Variants in DNAH14 observed in about 807,000 individuals in gnomAD.
DNAH14 encodes dynein axonemal heavy chain 14, also known as axonemal beta dynein heavy chain 14.
DNAH14 carries 478 observed loss-of-function variants against 520.9 expected under a neutral mutation model. The observed-to-expected ratio is 0.92, with a 90% confidence interval of 0.85 to 0.99. DNAH14 has a LOEUF of 0.99. Among genes scored for constraint, DNAH14 ranks in the 50% least tolerant of loss-of-function variants. The pLI is 0.00. For missense variants in DNAH14, 4,831 were observed against 5,234.5 expected (o/e 0.92, Z 2.38); for synonymous variants, 1,581 against 1,757.2 (o/e 0.90, Z 2.51).
chr1:225,111,081 GTGCATCC>G (rs1197932517), intron 23 of DNAH14, among the ~76,000 whole-genome samples: 1 of 152,044 alleles, frequency 6.6e-6, no homozygotes, highest in Non-Finnish European at 1.5e-5. Context: ...TGAGTAGAAT[GTGCATCC>G]TGCAACCATT....
intron 17 of DNAH14, among the ~76,000 whole-genome samples, chr1:225,071,966 ACCG>A (rs1457423530): frequency 6.6e-6 from 1 of 152,088 alleles, no homozygotes; most frequent in Non-Finnish European, 1.5e-5. Flanking sequence ...AAACCATATC[ACCG>A]CCTTTAACAT....
chr1:225,103,321 C>T (rs369427142), intron 23 of DNAH14, among the ~76,000 whole-genome samples: 3 of 152,092 alleles, frequency 2.0e-5, no homozygotes, highest in Non-Finnish European at 2.9e-5. Flanking sequence ...AGTCAGGTAG[C>T]GTGATGCCTC....
intron 17 of DNAH14, among the ~76,000 whole-genome samples, chr1:225,055,999 T>A (rs2069040237): frequency 6.6e-6 from 1 of 151,948 alleles, no homozygotes; most frequent in African/African-American, 2.4e-5. Flanking sequence ...TAAATATACA[T>A]GTGCATGTGT....
At chr1:225,214,930 T>C (rs551554968) in intron 41 of DNAH14, among the ~76,000 whole-genome samples, 19 of 152,354 alleles carry the variant, frequency 1.2e-4, no homozygotes, top group African/African-American at 3.8e-4. Context: ...TGATCTTAGT[T>C]ATTTCTTGCC....
intron 29 of DNAH14, among the ~76,000 whole-genome samples, chr1:225,144,852 G>A (rs566101114): frequency 3.0e-4 from 45 of 151,848 alleles, no homozygotes; most frequent in African/African-American, 1.0e-3. Context: ...TATTTAGTTG[G>A]AATACTACTT....
chr1:225,373,603 A>T lies in DNAH14; in HGVS notation c.12319-1085A>T, dbSNP rs75587382. ...GAGAGAGAAGAAAAGAAGTCAACCT[A>T]TGTGCAAATAGAATGTCTGTGTAAG... On this transcript the variant is annotated intron_variant, in intron 77 of 85. Transcript: ENST00000682510. 1.6e-3 allele frequency among the ~76,000 whole-genome samples: 242 copies of T among 152,260 alleles called. 2 individuals carry two copies. Among genetic ancestry groups the T allele is most frequent in the African/African-American group, 5.7e-3 (236 of 41,548 alleles).
At chr1:225,316,187 T>C (rs2094464666) in intron 60 of DNAH14, among the ~76,000 whole-genome samples, 1 of 152,174 alleles carries the variant, frequency 6.6e-6, no homozygotes, top group Admixed American at 6.6e-5. Flanking sequence ...TCAGTAATGG[T>C]GGATGCCCCT....
chr1:225,305,968 G>A (rs773031207), intron 58 of DNAH14, among the ~76,000 whole-genome samples: 5 of 152,304 alleles, frequency 3.3e-5, no homozygotes, highest in Admixed American at 6.5e-5. Context: ...GCCAAGCTCC[G>A]TGTCTGGAGC....
intron 42 of DNAH14, among the ~76,000 whole-genome samples, chr1:225,239,585 C>G (rs769328075): frequency 2.0e-5 from 3 of 152,188 alleles, no homozygotes; most frequent in Non-Finnish European, 4.4e-5. Flanking sequence ...TTTCATTCCT[C>G]TTTGTGAGTG....
intron 81 of DNAH14, among the ~76,000 whole-genome samples, chr1:225,385,783 T>G (rs2095834743): frequency 6.6e-6 from 1 of 152,148 alleles, no homozygotes; most frequent in Non-Finnish European, 1.5e-5. Flanking sequence ...AGAATCAATA[T>G]TGTGAAAATG....
At chr1:225,360,386 T>C (rs1009671412) in intron 74 of DNAH14, among the ~76,000 whole-genome samples, 3 of 152,132 alleles carry the variant, frequency 2.0e-5, no homozygotes, top group Non-Finnish European at 4.4e-5. Context: ...TAGCTGAGTA[T>C]ACAGCCATCT....
At chr1:225,271,815 G>A (rs2149835944) in intron 50 of DNAH14, 91 bp from the exon 51 acceptor site, 1 of 962,648 alleles carries the variant, frequency 1.0e-6, no homozygotes, top group Non-Finnish European at 1.5e-6. Context: ...CTCCATTATA[G>A]TACACAAGTC....
In DNAH14 at chr1:225,311,355, T is replaced by C. The variant is rs530365647; in HGVS notation, c.9240+2945T>C. On this transcript the variant is annotated intron_variant, in intron 60 of 85. Coordinates refer to ENST00000682510, the MANE Select transcript of DNAH14 (RefSeq NM_001367479.1). ...TTCCAGATTCTGGATATTAGCTCTTTGTCAAACAGATAGATTGCAAAAATT... is the reference window on the plus strand; with the variant it reads ...TTCCAGATTCTGGATATTAGCTCTTCGTCAAACAGATAGATTGCAAAAATT... Among the ~76,000 whole-genome samples, 4 of 152,318 alleles carry C rather than the reference T, an allele frequency of 2.6e-5. No homozygotes were observed. The East Asian group carries it at 7.7e-4, about 29-fold the overall frequency.
At chr1:224,961,905 A>G (rs1054885101) in intron 4 of DNAH14, among the ~76,000 whole-genome samples, 2 of 152,160 alleles carry the variant, frequency 1.3e-5, no homozygotes, top group African/African-American at 4.8e-5. Flanking sequence ...TGCCAGATAA[A>G]TAAAATTCTA....
At chr1:225,096,948 C>T (rs2075034958) in intron 21 of DNAH14, among the ~76,000 whole-genome samples, 170 bp from the exon 22 acceptor site, 1 of 152,116 alleles carries the variant, frequency 6.6e-6, no homozygotes, top group Admixed American at 6.5e-5. Context: ...TCTTAAACCT[C>T]TCCTAAAACT....
Position 225,050,269 on chromosome 1 carries a change from A to G in DNAH14, c.1972A>G (p.Ile658Val), listed in dbSNP as rs1014054290. 40 of 1,550,366 alleles carry G rather than the reference A, an allele frequency of 2.6e-5. No individual in the cohort carries two copies. The highest frequency in any genetic ancestry group is 4.9e-5 in the East Asian group (2 of 40,878). Residue 658 changes from isoleucine to valine, a missense_variant, in exon 16 of 86, where the codon ATA (isoleucine) becomes GTA (valine). Physicochemically the swap from Ile to Val is conservative, Grantham distance 29 (BLOSUM62 3). Transcript: ENST00000682510. The stretch of plus-strand genomic sequence containing the variant: ...GTCTATCTTCATTGATTTGGTTTCA[A>G]TAATGGATTTACCTAATAAGACAGG... ...QLSIFIDLVS[I>V]MDLPNKTGSI...
chr1:225,152,241 C>G (rs547892430), intron 32 of DNAH14, among the ~76,000 whole-genome samples, 168 bp downstream of exon 32: 17 of 152,258 alleles, frequency 1.1e-4, no homozygotes, highest in Non-Finnish European at 2.1e-4. Context: ...CACTCTGCAC[C>G]TGTTCATATG....
chr1:225,295,612 C>G (rs2093989760), intron 55 of DNAH14, among the ~76,000 whole-genome samples: 1 of 152,086 alleles, frequency 6.6e-6, no homozygotes, highest in South Asian at 2.1e-4. Context: ...AGATAAGATA[C>G]TTGATATGAT....
At chr1:225,326,402 A>C (rs1036968748) in intron 64 of DNAH14, among the ~76,000 whole-genome samples, 1 of 152,192 alleles carries the variant, frequency 6.6e-6, no homozygotes, top group Non-Finnish European at 1.5e-5. Context: ...CAGAATGGAC[A>C]TTTGTCGTGC....
Sources: allele counts gnomAD v4.1 joint callset (sites outside exome capture counted in the v4.1 genomes callset), GRCh38; gene constraint gnomAD v4.1.1; transcripts MANE v1.5; gene names NCBI Gene and HGNC (gene_info 2026-07-23, HGNC 2026-07-21).